Variants in SPATA7 observed in about 807,000 individuals in gnomAD.
The protein encoded by SPATA7 is spermatogenesis-associated protein 7.
In SPATA7, 43 loss-of-function variants were observed where a neutral mutation model predicts 51.8. The observed-to-expected ratio is 0.83, with a 90% confidence interval of 0.65 to 1.07. The LOEUF (loss-of-function observed/expected upper bound fraction) is 1.07. Ranked by LOEUF, SPATA7 falls within the 50% of genes least tolerant of loss-of-function variation. The probability of loss-of-function intolerance (pLI) is 0.00; values close to 1 mark genes in which losing one functional copy is unlikely to be tolerated. For synonymous variants in SPATA7, 230 were observed against 252.8 expected (o/e 0.91, Z 0.86); for missense variants, 683 against 701.3 (o/e 0.97, Z 0.30).
At chr14:88,403,134 A>G (rs373870389) in intron 4 of SPATA7, among the ~76,000 whole-genome samples, 3 of 152,278 alleles carry the variant, frequency 2.0e-5, no homozygotes, top group Admixed American at 6.5e-5. Context: ...TATCACTCAC[A>G]CCTGTGAGAA....
chr14:88,401,659 A>G (rs1352831115), intron 4 of SPATA7, among the ~76,000 whole-genome samples: 2 of 151,888 alleles, frequency 1.3e-5, no homozygotes, highest in Non-Finnish European at 2.9e-5. Context: ...TAGTAAGACC[A>G]TGCCTCTACA....
chr14:88,451,211 C>T (rs2077248152), intron 3 of SPATA7, among the ~76,000 whole-genome samples: 1 of 152,116 alleles, frequency 6.6e-6, no homozygotes, highest in South Asian at 2.1e-4. Flanking sequence ...CTCTTGTCGC[C>T]CAGGCTGGAC....
intron 3 of SPATA7, among the ~76,000 whole-genome samples, chr14:88,394,364 C>G (rs142963450): frequency 6.6e-6 from 1 of 152,138 alleles, no homozygotes; most frequent in Non-Finnish European, 1.5e-5. Flanking sequence ...TCTGCTCTTT[C>G]GCCTATAGTT....
At chr14:88,455,128 A>G (rs759501025) in exon 4 of SPATA7, 1 of 455,912 alleles carries the variant, frequency 2.2e-6, no homozygotes, top group Non-Finnish European at 4.4e-6. Flanking sequence ...GACACAACAA[A>G]TAGCATATGT....
rs114582952 is a variant in SPATA7, at chr14:88,424,634, A to C, written c.373-1598A>C. ...TAATTGCCCTATAGGATATTTTTAG[A>C]CTGTACTTAGAAATTTCTTCTTTGA... On this transcript the variant is annotated intron_variant, in intron 5 of 11. Transcript: ENST00000393545. Among the ~76,000 whole-genome samples, 1,192 of 152,256 alleles carry C rather than the reference A, an allele frequency of 7.8e-3. 13 individuals carry two copies. The highest frequency in any genetic ancestry group is 0.027 in the African/African-American group (1,142 of 41,560).
chr14:88,400,034 T>C (rs1046412398), intron 4 of SPATA7, among the ~76,000 whole-genome samples: 1 of 152,182 alleles, frequency 6.6e-6, no homozygotes, highest in African/African-American at 2.4e-5. Flanking sequence ...TACGCACTCC[T>C]CAAGTGCACA....
At chr14:88,416,059 T>C (rs1471720999) in intron 4 of SPATA7, 5 of 152,354 alleles carry the variant, frequency 3.3e-5, no homozygotes, top group Admixed American at 2.0e-4. Context: ...GAGCAAAAGC[T>C]TCCTGTGGTC....
rs149039981 is a variant in SPATA7 at position 88,390,001 on chromosome 14, A to G, written c.20-1380A>G. Among the ~76,000 whole-genome samples, 106 of 152,344 alleles carry G rather than the reference A, an allele frequency of 7.0e-4. 2 individuals are homozygous for G. The highest frequency in any genetic ancestry group is 3.4e-3 in the Middle Eastern group (1 of 294). Reference sequence around the variant, plus strand: ...CAAGATAGTGTAATGATTAAGACCCAGGAAACAGACTGCTTGGGTTCAGAT... The same window carrying G: ...CAAGATAGTGTAATGATTAAGACCCGGGAAACAGACTGCTTGGGTTCAGAT... On this transcript the variant is annotated intron_variant, in intron 1 of 11. Transcript: ENST00000393545.
At chr14:88,405,356 G>C (rs894361421) in intron 4 of SPATA7, among the ~76,000 whole-genome samples, 9 of 152,242 alleles carry the variant, frequency 5.9e-5, no homozygotes, top group Admixed American at 2.6e-4. Flanking sequence ...GAAGAGAGGA[G>C]TAGCAGGGCT....
At chr14:88,409,032 ACAT>A (rs1170537832) in intron 4 of SPATA7, among the ~76,000 whole-genome samples, 1 of 152,112 alleles carries the variant, frequency 6.6e-6, no homozygotes, top group Non-Finnish European at 1.5e-5. Flanking sequence ...GAGGATTTTC[ACAT>A]CAATGTTAGT....
At chr14:88,398,353 A>G (rs1218636568) in intron 4 of SPATA7, among the ~76,000 whole-genome samples, 1 of 151,826 alleles carries the variant, frequency 6.6e-6, no homozygotes, top group East Asian at 1.9e-4. Context: ...ATTGGAAATC[A>G]TCATTCTCAG....
At chr14:88,420,754 C>T (rs542825916) in intron 5 of SPATA7, among the ~76,000 whole-genome samples, 13 of 152,224 alleles carry the variant, frequency 8.5e-5, no homozygotes, top group South Asian at 4.1e-4. Flanking sequence ...ATAATTTTAT[C>T]CATAAATATT....
chr14:88,414,900 C>T (rs1388938044), intron 4 of SPATA7, among the ~76,000 whole-genome samples: 1 of 151,548 alleles, frequency 6.6e-6, no homozygotes, highest in African/African-American at 2.4e-5. Context: ...ACCTTTTTTT[C>T]CACCGTGGTC....
chr14:88,437,957 G>C lies in SPATA7; in HGVS notation c.1335G>C (p.Gly445=). ...MLNVFDFEKA[G]NSEPNELKNE... ...ATGTATTTGATTTTGAAAAGGCTGG[G>C]AATTCAGAACCAAATGAATTAAAAA... Residue 445 remains glycine, a synonymous_variant, in exon 12 of 12, where the codon GGG becomes GGC. Transcript: ENST00000393545. The C allele has an allele frequency of 6.2e-7, 1 of 1,613,928 alleles. No homozygotes were observed. Among genetic ancestry groups the C allele is most frequent in the Non-Finnish European group, 8.5e-7 (1 of 1,179,948 alleles).
At chr14:88,393,725 G>A (rs1216707255) in intron 3 of SPATA7, 1 of 326,560 alleles carries the variant, frequency 3.1e-6, no homozygotes, top group African/African-American at 2.2e-5. Flanking sequence ...TATCTCTATT[G>A]CTAATAATAT....
chr14:88,437,034 A>G (rs915036826), intron 10 of SPATA7, among the ~76,000 whole-genome samples: 19 of 148,830 alleles, frequency 1.3e-4, no homozygotes, highest in African/African-American at 4.7e-4. Context: ...CATTTTAACA[A>G]TATTGATTCT....
At chr14:88,390,158 T>C (rs1370214952) in intron 1 of SPATA7, among the ~76,000 whole-genome samples, 1 of 152,170 alleles carries the variant, frequency 6.6e-6, no homozygotes, top group African/African-American at 2.4e-5. Flanking sequence ...ACCAGCAAAG[T>C]GCTTGGAGCA....
intron 3 of SPATA7, among the ~76,000 whole-genome samples, chr14:88,394,262 AC>A (rs1206380777): frequency 6.6e-6 from 1 of 152,134 alleles, no homozygotes; most frequent in Non-Finnish European, 1.5e-5. Context: ...AAATTTGCCA[AC>A]CCTTGATATA....
chr14:88,465,385 C>T (rs564862680), intron 4 of SPATA7, among the ~76,000 whole-genome samples: 16 of 151,898 alleles, frequency 1.1e-4, no homozygotes, highest in Non-Finnish European at 1.5e-4. Flanking sequence ...GAGAATCACT[C>T]GAACCCAGGA....
Sources: allele counts gnomAD v4.1 joint callset (sites outside exome capture counted in the v4.1 genomes callset), GRCh38; gene constraint gnomAD v4.1.1; transcripts MANE v1.5; gene names NCBI Gene and HGNC (gene_info 2026-07-23, HGNC 2026-07-21).